The following SEPSECS variants were observed in gnomAD, a reference collection of about 807,000 sequenced individuals.
SEPSECS encodes the protein O-phosphoseryl-tRNA(Sec) selenium transferase.
In SEPSECS, 42 loss-of-function variants were observed where a neutral mutation model predicts 52.1. That is an observed-to-expected ratio of 0.81 (90% CI 0.63 to 1.04). The LOEUF is 1.04. Ranked by LOEUF, SEPSECS falls within the 50% of genes least tolerant of loss-of-function variation. The probability of loss-of-function intolerance (pLI) is 0.00; values close to 1 mark genes in which losing one functional copy is unlikely to be tolerated. For missense variants in SEPSECS, 590 were observed against 610.6 expected, an observed-to-expected ratio of 0.97 and a Z score of 0.36; for synonymous variants, 216 against 211.4, an observed-to-expected ratio of 1.02 and a Z score of -0.19.
chr4:25,158,859 C>T (rs1712856487), intron 2 of SEPSECS, 94 bp downstream of exon 2: 5 of 1,273,932 alleles, frequency 3.9e-6, no homozygotes, highest in Non-Finnish European at 4.6e-6. Context: ...TACAAACTGA[C>T]ATTTGATAAT....
intron 1 of SEPSECS, 44 bp from the exon 2 acceptor site, chr4:25,159,151 C>T (rs376839143): frequency 6.0e-5 from 87 of 1,448,350 alleles, no homozygotes; most frequent in Non-Finnish European, 7.3e-5. Flanking sequence ...AATAAAACTA[C>T]CGTTCTCTAG....
rs767854800 is a variant in SEPSECS, at chr4:25,123,979, T to G, written c.1458A>C (p.Leu486Phe). The change falls in exon 11 of 11, where the codon TTA becomes TTC. Residue 486 changes from leucine (L) to phenylalanine (F), a missense_variant. Transcript: ENST00000382103. ...TEDVDIEEMA[L>F]KLDNVLLDTY... Reference sequence around the variant, plus strand: ...TGTCAAGAAGTACATTATCTAGTTTTAAAGCCATTTCTTCAATATCCACAT... The same window carrying G: ...TGTCAAGAAGTACATTATCTAGTTTGAAAGCCATTTCTTCAATATCCACAT... 17 of 1,613,528 alleles carry G rather than the reference T, an allele frequency of 1.1e-5. No individual in the cohort carries two copies. The highest frequency in any genetic ancestry group is 1.7e-5 in the Admixed American group (1 of 59,980).
Position 25,121,063 on chromosome 4 carries a change from G to C in SEPSECS, c.*2868C>G, listed in dbSNP as rs1365940648. The stretch of plus-strand genomic sequence containing the variant: ...AAATTTACCATTCTGTATATCAAGT[G>C]CCTATTGGCTGAACAGAACTGTATT... On this transcript the variant is annotated 3_prime_UTR_variant, in exon 11 of 11. Coordinates refer to ENST00000382103, the MANE Select transcript of SEPSECS (RefSeq NM_016955.4). The C allele has an allele frequency of 6.6e-6, 1 of 152,016 alleles. No individual in the cohort carries two copies. Among genetic ancestry groups the C allele is most frequent in the Non-Finnish European group, 1.5e-5 (1 of 67,956 alleles). The allele number at this position is 152,016 out of a possible 1,614,324, so 9.4% of individuals were successfully genotyped here. A position where few individuals can be genotyped will look rare whatever the true frequency, so the allele number is the denominator to read the frequency against.
intron 8 of SEPSECS, among the ~76,000 whole-genome samples, chr4:25,128,943 G>A (rs1401330666): frequency 2.0e-5 from 3 of 152,048 alleles, no homozygotes; most frequent in Non-Finnish European, 4.4e-5. Context: ...AAGATTAAGA[G>A]GAAAATTCCT....
intron 8 of SEPSECS, among the ~76,000 whole-genome samples, chr4:25,133,514 A>AC (rs1476655183): frequency 3.4e-4 from 52 of 152,316 alleles, no homozygotes; most frequent in Admixed American, 1.1e-3. Context: ...CAAAATGTAC[A>AC]CATGCATGGG....
At chr4:25,133,738 C>G (rs1728710679) in intron 8 of SEPSECS, among the ~76,000 whole-genome samples, 1 of 151,854 alleles carries the variant, frequency 6.6e-6, no homozygotes, top group Non-Finnish European at 1.5e-5. Flanking sequence ...TTCCTTTTCA[C>G]AAGTTTTTGA....
intron 8 of SEPSECS, among the ~76,000 whole-genome samples, chr4:25,130,844 T>C (rs916612422): frequency 2.0e-5 from 3 of 152,170 alleles, no homozygotes; most frequent in Non-Finnish European, 4.4e-5. Flanking sequence ...ACCTGTACTA[T>C]TTTTTGCTAC....
chr4:25,120,190 T>C lies in SEPSECS; in HGVS notation c.*3741A>G, dbSNP rs1728061777. 1 of 152,176 alleles carries C rather than the reference T, an allele frequency of 6.6e-6. No individual in the cohort carries two copies. Among genetic ancestry groups the C allele is most frequent in the African/African-American group, 2.4e-5 (1 of 41,452 alleles). 9.4% of individuals were successfully genotyped at this position (152,176 alleles called of 1,614,324 possible). On this transcript the variant is annotated 3_prime_UTR_variant, in exon 11 of 11. Transcript: ENST00000382103. The stretch of plus-strand genomic sequence containing the variant: ...TCCCCCACGGTTATACAGTTAAGCA[T>C]AGCCTTTCTTTGTATTTCTCAAGTT...
At chr4:25,125,514 C>A in intron 10 of SEPSECS, 180 bp downstream of exon 10, 1 of 614,492 alleles carries the variant, frequency 1.6e-6, no homozygotes, top group Admixed American at 2.6e-5. Context: ...CAGGCATAAG[C>A]AGTCCACAGG....
At position 25,121,808 on chromosome 4, in the gene SEPSECS, T is replaced by C. The variant is rs142960382; in HGVS notation, c.*2123A>G. On this transcript the variant is annotated 3_prime_UTR_variant, in exon 11 of 11. Coordinates refer to ENST00000382103, the MANE Select transcript of SEPSECS (RefSeq NM_016955.4). ...CACATGTGAGTTCATGTAATTTATG[T>C]TCAATTAGAATTATTATCTATTCAG... 880 of 152,300 alleles carry C rather than the reference T, an allele frequency of 5.8e-3. 9 individuals carry two copies. The highest frequency in any genetic ancestry group is 0.02 in the African/African-American group (829 of 41,570). 9.4% of individuals were successfully genotyped at this position (152,300 alleles called of 1,614,324 possible).
At chr4:25,129,455 A>G (rs1024205042) in intron 8 of SEPSECS, among the ~76,000 whole-genome samples, 8 of 151,420 alleles carry the variant, frequency 5.3e-5, no homozygotes, top group Non-Finnish European at 1.2e-4. Context: ...GAAACCCCTT[A>G]TCTACTGAAA....
At position 25,145,060 on chromosome 4, in the gene SEPSECS, G is replaced by C. The variant is rs1280094888; in HGVS notation, c.878C>G (p.Ala293Gly). The change falls in exon 7 of 11, where the codon GCT becomes GGT. Residue 293 changes from alanine (A) to glycine (G), a missense_variant. Ala to Gly is a moderately conservative substitution (Grantham distance 60, BLOSUM62 0). Coordinates refer to ENST00000382103, the MANE Select transcript of SEPSECS (RefSeq NM_016955.4). ...DKNFMVPVGG[A>G]IIAGFNDSFI... ...TGAATCATTAAAGCCAGCAATTATA[G>C]CACCACCTACTGGAACCATAAAATT... The C allele has an allele frequency of 6.2e-7, 1 of 1,613,616 alleles. No homozygotes were observed. Among genetic ancestry groups the C allele is most frequent in the Non-Finnish European group, 8.5e-7 (1 of 1,179,830 alleles).
rs1312354760 is a variant in SEPSECS at position 25,121,419 on chromosome 4, G to C, written c.*2512C>G. On this transcript the variant is annotated 3_prime_UTR_variant, in exon 11 of 11. Transcript: ENST00000382103. ...TTAATAAGGGTAGTTGGGTCAAAAAGATAGAAGAGGTTATCTTCGGCAATG... is the reference window on the plus strand; with the variant it reads ...TTAATAAGGGTAGTTGGGTCAAAAACATAGAAGAGGTTATCTTCGGCAATG... 1.3e-5 allele frequency: 2 copies of C among 152,138 alleles called. No individual in the cohort carries two copies. The highest frequency in any genetic ancestry group is 2.9e-5 in the Non-Finnish European group (2 of 67,992). The allele number at this position is 152,138 out of a possible 1,614,324, so 9.4% of individuals were successfully genotyped here.
At chr4:25,135,233 A>C (rs576452043) in intron 8 of SEPSECS, among the ~76,000 whole-genome samples, 5 of 152,040 alleles carry the variant, frequency 3.3e-5, no homozygotes, top group Admixed American at 2.0e-4. Flanking sequence ...GGAGACAGAG[A>C]CACGAAAAAC....
chr4:25,159,395 T>A (rs1307345679), intron 1 of SEPSECS: 1 of 395,982 alleles, frequency 2.5e-6, no homozygotes, highest in Non-Finnish European at 4.6e-6. Context: ...ATACAACACA[T>A]CCCCAGTGAA....
intron 5 of SEPSECS, 58 bp from the exon 6 acceptor site, chr4:25,152,120 G>A: frequency 9.3e-7 from 1 of 1,069,780 alleles, no homozygotes; most frequent in Middle Eastern, 2.2e-4. Flanking sequence ...ATAAATGATA[G>A]TGCAGAAAGT....
At chr4:25,160,483 AAAAAC>A (rs779134137), upstream of SEPSECS, 203 of 830,316 alleles carry the variant, frequency 2.4e-4, no homozygotes, top group Middle Eastern at 9.1e-4. Context: ...CCTTGGGACA[AAAAAC>A]AAAACAAAAC....
chr4:25,148,089 AC>A (rs1712075767), intron 6 of SEPSECS, among the ~76,000 whole-genome samples: 1 of 152,134 alleles, frequency 6.6e-6, no homozygotes, highest in Non-Finnish European at 1.5e-5. Context: ...ACGGTGGCTC[AC>A]ATCTGTAATC....
chr4:25,127,650 T>C (rs1310746569), intron 8 of SEPSECS, among the ~76,000 whole-genome samples: 1 of 152,186 alleles, frequency 6.6e-6, no homozygotes, highest in Non-Finnish European at 1.5e-5. Flanking sequence ...CTGGTCCTCG[T>C]AGCCATCAAC....
Sources: allele counts gnomAD v4.1 joint callset (sites outside exome capture counted in the v4.1 genomes callset), GRCh38; gene constraint gnomAD v4.1.1; transcripts MANE v1.5; gene names NCBI Gene and HGNC (gene_info 2026-07-23, HGNC 2026-07-21).